The following ADRA1B variants were observed in gnomAD, a reference collection of about 807,000 sequenced individuals.
ADRA1B encodes alpha-1B adrenergic receptor.
ADRA1B carries 17 observed loss-of-function variants against 17.9 expected under a neutral mutation model. The ratio of observed to expected loss-of-function variants is 0.95; its 90% CI spans 0.65 to 1.42. The LOEUF (loss-of-function observed/expected upper bound fraction) is 1.42. ADRA1B is among the 40% of genes most tolerant of loss of function. ADRA1B has a pLI of 0.00. For synonymous variants in ADRA1B, 366 were observed against 327.6 expected (o/e 1.12, Z -1.27); for missense variants, 681 against 722.1 (o/e 0.94, Z 0.65).
intron 1 of ADRA1B, among the ~76,000 whole-genome samples, chr5:159,887,806 C>T (rs553465096): frequency 6.6e-5 from 10 of 152,174 alleles, no homozygotes; most frequent in African/African-American, 2.2e-4. Flanking sequence ...AATATATAGA[C>T]GTCATCTAAT....
At chr5:159,987,931 C>T in the ADRA1B span, among the ~76,000 whole-genome samples, 1 of 152,154 alleles carries the variant, frequency 6.6e-6, no homozygotes, top group Admixed American at 6.5e-5. Flanking sequence ...AATGCCCCCC[C>T]TCGGCCGGCC....
chr5:159,975,804 C>G (rs1225014021), downstream of ADRA1B, among the ~76,000 whole-genome samples: 2 of 152,152 alleles, frequency 1.3e-5, no homozygotes, highest in Non-Finnish European at 2.9e-5. Flanking sequence ...CATCAAGAGC[C>G]CCTCAGGCAG....
At chr5:159,965,678 A>T (rs1755762136) in intron 1 of ADRA1B, among the ~76,000 whole-genome samples, 1 of 152,106 alleles carries the variant, frequency 6.6e-6, no homozygotes, top group Non-Finnish European at 1.5e-5. Flanking sequence ...AGAAGGAGGA[A>T]GGAGGGGGTC....
intron 1 of ADRA1B, chr5:159,948,601 A>G (rs1755341367): frequency 2.5e-6 from 1 of 401,260 alleles, no homozygotes; most frequent in South Asian, 1.0e-4. Flanking sequence ...TGAAATGTTG[A>G]AAACATATTT....
the ADRA1B span, among the ~76,000 whole-genome samples, chr5:159,979,215 G>A: frequency 6.6e-6 from 1 of 152,190 alleles, no homozygotes; most frequent in East Asian, 1.9e-4. Context: ...AGACGTTTGT[G>A]TAACACACGA....
At chr5:159,884,461 G>A (rs1753901414) in intron 1 of ADRA1B, among the ~76,000 whole-genome samples, 1 of 152,168 alleles carries the variant, frequency 6.6e-6, no homozygotes, top group South Asian at 2.1e-4. Context: ...TCTTGTGTAT[G>A]TTCTCTTGCC....
intron 1 of ADRA1B, among the ~76,000 whole-genome samples, chr5:159,954,049 A>G (rs1233277100): frequency 6.6e-6 from 1 of 152,202 alleles, no homozygotes; most frequent in Non-Finnish European, 1.5e-5. Flanking sequence ...GACAAAAGAC[A>G]TTTATATGAA....
At chr5:159,980,139 G>A in the ADRA1B span, among the ~76,000 whole-genome samples, 4 of 152,030 alleles carry the variant, frequency 2.6e-5, no homozygotes, top group African/African-American at 9.7e-5. Context: ...TGGTTAGGGG[G>A]CCCTGACAAC....
At chr5:159,912,298 C>T (rs576480374), upstream of ADRA1B, among the ~76,000 whole-genome samples, 1 of 152,212 alleles carries the variant, frequency 6.6e-6, no homozygotes, top group Non-Finnish European at 1.5e-5. Flanking sequence ...GGGACATAAA[C>T]CCAGGTGTGT....
upstream of ADRA1B, among the ~76,000 whole-genome samples, chr5:159,912,932 G>A (rs1311710864): frequency 3.9e-5 from 6 of 152,302 alleles, no homozygotes; most frequent in East Asian, 1.9e-4. Flanking sequence ...GTTCACCCAC[G>A]GTACTTAGCA....
chr5:159,900,866 A>G (rs1438312806), intron 1 of ADRA1B, among the ~76,000 whole-genome samples: 4 of 152,232 alleles, frequency 2.6e-5, no homozygotes. Flanking sequence ...TGAAAATTAC[A>G]TCTGCTCTCA....
At chr5:159,905,842 G>A (rs996364921) in intron 1 of ADRA1B, among the ~76,000 whole-genome samples, 2 of 150,140 alleles carry the variant, frequency 1.3e-5, no homozygotes, top group African/African-American at 4.9e-5. Flanking sequence ...ATAAACTACA[G>A]CAAGTGAAAG....
At chr5:159,946,609 T>C (rs1414066031) in intron 1 of ADRA1B, among the ~76,000 whole-genome samples, 1 of 152,264 alleles carries the variant, frequency 6.6e-6, no homozygotes, top group Non-Finnish European at 1.5e-5. Context: ...AACCAAAAGT[T>C]GCATGCCTTC....
At chr5:159,893,742 T>C (rs1581022488) in intron 1 of ADRA1B, among the ~76,000 whole-genome samples, 2 of 152,192 alleles carry the variant, frequency 1.3e-5, no homozygotes, top group African/African-American at 4.8e-5. Flanking sequence ...AGACAGGCAG[T>C]CGGGGGCTCA....
chr5:159,945,296 G>A (rs1755237844), intron 1 of ADRA1B, among the ~76,000 whole-genome samples: 2 of 152,088 alleles, frequency 1.3e-5, no homozygotes, highest in Admixed American at 1.3e-4. Context: ...AGGTTGCAGT[G>A]AGCCCAGATT....
downstream of ADRA1B, among the ~76,000 whole-genome samples, chr5:159,976,087 G>A (rs1303369635): frequency 6.6e-6 from 1 of 152,168 alleles, no homozygotes; most frequent in Non-Finnish European, 1.5e-5. Context: ...CTATAAAATA[G>A]AGATAATAAT....
intron 1 of ADRA1B, among the ~76,000 whole-genome samples, chr5:159,945,561 G>A (rs545884461): frequency 6.6e-4 from 100 of 152,170 alleles, no homozygotes; most frequent in African/African-American, 2.4e-3. Flanking sequence ...CCAGAGTGCT[G>A]GACTGCACAG....
chr5:159,874,128 T>C (rs1753778441), intron 1 of ADRA1B, among the ~76,000 whole-genome samples: 1 of 152,106 alleles, frequency 6.6e-6, no homozygotes, highest in African/African-American at 2.4e-5. Flanking sequence ...CTGTAAAATA[T>C]TCCCTCTGAA....
chr5:159,978,168 G>A, the ADRA1B span, among the ~76,000 whole-genome samples: 3 of 152,204 alleles, frequency 2.0e-5, no homozygotes, highest in African/African-American at 7.2e-5. Flanking sequence ...TGAGAGTGGG[G>A]ATATTTGTCT....
Sources: allele counts gnomAD v4.1 joint callset (sites outside exome capture counted in the v4.1 genomes callset), GRCh38; gene constraint gnomAD v4.1.1; transcripts MANE v1.5; gene names NCBI Gene and HGNC (gene_info 2026-07-23, HGNC 2026-07-21).